PPA2: variants seen among roughly 807,000 people sequenced by gnomAD.
The protein encoded by PPA2 is inorganic pyrophosphatase 2, also known as inorganic pyrophosphatase 2, mitochondrial.
Under a neutral mutation model 49.5 loss-of-function variants are expected in PPA2, and 48 were observed. The observed-to-expected ratio is 0.97, with a 90% CI of 0.77 to 1.23. The LOEUF is 1.23. Among genes scored for constraint, PPA2 ranks in the 50% most tolerant of loss-of-function variants. The pLI is 0.00. For synonymous variants in PPA2, 131 were observed against 139.9 expected (o/e 0.94, Z 0.45); for missense variants, 429 against 410.1 (o/e 1.05, Z -0.40).
intron 7 of PPA2, among the ~76,000 whole-genome samples, chr4:105,423,785 A>G (rs1475759529): frequency 1.3e-5 from 2 of 152,238 alleles, no homozygotes; most frequent in East Asian, 3.9e-4. Context: ...ATCGATGAAC[A>G]CTCCTTCCTT....
intron 4 of PPA2, among the ~76,000 whole-genome samples, chr4:105,447,661 T>C (rs764582662): frequency 6.6e-6 from 1 of 152,076 alleles, no homozygotes; most frequent in East Asian, 1.9e-4. Flanking sequence ...CTTGTCAATA[T>C]ACAATAAAGT....
chr4:105,405,823 C>G (rs965274485), intron 7 of PPA2: 2 of 468,158 alleles, frequency 4.3e-6, no homozygotes, highest in Non-Finnish European at 8.4e-6. Flanking sequence ...ACATGTAGGG[C>G]TGCATCCAGG....
intron 1 of PPA2, among the ~76,000 whole-genome samples, chr4:105,467,915 A>C (rs1723372904): frequency 6.6e-6 from 1 of 152,192 alleles, no homozygotes; most frequent in Admixed American, 6.5e-5. Flanking sequence ...ACAGAGTAGA[A>C]AGCTGGATGT....
chr4:105,448,312 G>C (rs997815847), intron 4 of PPA2, among the ~76,000 whole-genome samples: 1 of 152,094 alleles, frequency 6.6e-6, no homozygotes, highest in African/African-American at 2.4e-5. Flanking sequence ...CCTGGTGATA[G>C]TACTGACAAT....
At chr4:105,438,173 G>A (rs1275183451) in intron 5 of PPA2, 137 bp from the exon 6 acceptor site, 2 of 618,972 alleles carry the variant, frequency 3.2e-6, no homozygotes, top group Non-Finnish European at 5.5e-6. Context: ...TAGGCCCAAG[G>A]CCAACAGGCC....
intron 7 of PPA2, among the ~76,000 whole-genome samples, chr4:105,421,114 G>C (rs1239463394): frequency 6.6e-6 from 1 of 152,144 alleles, no homozygotes; most frequent in Non-Finnish European, 1.5e-5. Flanking sequence ...AAGAGTTATT[G>C]TTCAAAGTCA....
chr4:105,453,721 C>A, intron 2 of PPA2, 79 bp from the exon 3 acceptor site: 1 of 1,119,642 alleles, frequency 8.9e-7, no homozygotes, highest in Non-Finnish European at 1.3e-6. Context: ...AAAAATATGA[C>A]TATTGTATAG....
At chr4:105,413,430 G>A (rs1722855237) in intron 7 of PPA2, among the ~76,000 whole-genome samples, 1 of 151,926 alleles carries the variant, frequency 6.6e-6, no homozygotes, top group African/African-American at 2.4e-5. Flanking sequence ...TAACAAACCT[G>A]TACTTTGTGC....
At position 105,441,867 on chromosome 4, in the gene PPA2, C is replaced by T. The variant is rs1432602775; in HGVS notation, c.442-3831G>A. ...GGCCAATACATTTCTAATCACCACA[C>T]TCTGGTCCTTAGGTCTCTTAAAAAA... On this transcript the variant is annotated intron_variant, in intron 5 of 11. Coordinates refer to ENST00000341695, the MANE Select transcript of PPA2 (RefSeq NM_176869.3). Among the ~76,000 whole-genome samples the T allele has an allele frequency of 2.6e-5, 4 of 152,152 alleles. No individual in the cohort carries two copies. In the East Asian group the frequency reaches 7.7e-4, roughly 29 times the overall value.
intron 10 of PPA2, among the ~76,000 whole-genome samples, chr4:105,375,330 C>A (rs931111555): frequency 2.6e-5 from 4 of 151,516 alleles, no homozygotes; most frequent in Admixed American, 6.6e-5. Flanking sequence ...AAAATAATGT[C>A]TTTTCTTCAT....
intron 7 of PPA2, among the ~76,000 whole-genome samples, chr4:105,417,970 C>T (rs1723087027): frequency 6.6e-6 from 1 of 152,114 alleles, no homozygotes; most frequent in African/African-American, 2.4e-5. Flanking sequence ...TAACCATGCC[C>T]CATGCCCCAT....
At chr4:105,442,233 T>G (rs1409478663) in intron 5 of PPA2, among the ~76,000 whole-genome samples, 1 of 152,148 alleles carries the variant, frequency 6.6e-6, no homozygotes, top group Non-Finnish European at 1.5e-5. Flanking sequence ...CTAACATCAG[T>G]AGCAATCATC....
chr4:105,387,411 A>G (rs999058717), intron 9 of PPA2, among the ~76,000 whole-genome samples: 4 of 152,218 alleles, frequency 2.6e-5, no homozygotes, highest in Non-Finnish European at 5.9e-5. Context: ...CCTAAAAGAT[A>G]AAATAATAGG....
intron 11 of PPA2, among the ~76,000 whole-genome samples, chr4:105,370,025 T>G (rs1435114936): frequency 6.6e-6 from 1 of 152,212 alleles, no homozygotes; most frequent in Non-Finnish European, 1.5e-5. Context: ...GTCATTTTAG[T>G]CTCTAGCAGA....
chr4:105,420,477 A>G (rs1209884395), intron 7 of PPA2, among the ~76,000 whole-genome samples: 1 of 152,200 alleles, frequency 6.6e-6, no homozygotes. Flanking sequence ...ATATACTCCT[A>G]TATTACACAC....
chr4:105,389,005 C>T (rs989907465), intron 9 of PPA2, among the ~76,000 whole-genome samples: 7 of 151,992 alleles, frequency 4.6e-5, no homozygotes, highest in Non-Finnish European at 1.0e-4. Flanking sequence ...TGCCAACATC[C>T]TCAATGATGT....
At chr4:105,451,402 A>G (rs180755257) in intron 3 of PPA2, among the ~76,000 whole-genome samples, 1 of 152,358 alleles carries the variant, frequency 6.6e-6, no homozygotes, top group East Asian at 1.9e-4. Context: ...AATGAGATAA[A>G]CAACAAAGCT....
intron 9 of PPA2, among the ~76,000 whole-genome samples, chr4:105,395,557 T>G (rs1017562763): frequency 1.3e-5 from 2 of 152,144 alleles, no homozygotes; most frequent in Non-Finnish European, 2.9e-5. Context: ...AAGTAGGTTA[T>G]AAAACTAACG....
At chr4:105,386,321 G>A (rs1415840428) in intron 10 of PPA2, among the ~76,000 whole-genome samples, 1 of 152,074 alleles carries the variant, frequency 6.6e-6, no homozygotes, top group Non-Finnish European at 1.5e-5. Context: ...AAGAAAAACA[G>A]CATCATATGA....
Sources: allele counts gnomAD v4.1 joint callset (sites outside exome capture counted in the v4.1 genomes callset), GRCh38; gene constraint gnomAD v4.1.1; transcripts MANE v1.5; gene names NCBI Gene and HGNC (gene_info 2026-07-23, HGNC 2026-07-21).